DUS2: variants seen among roughly 807,000 people sequenced by gnomAD.
DUS2 encodes the protein tRNA-dihydrouridine(20) synthase [NAD(P)+]-like.
Under a neutral mutation model 71.3 loss-of-function variants are expected in DUS2, and 52 were observed. That is an observed-to-expected ratio of 0.73 (90% CI 0.58 to 0.92). The LOEUF is 0.92. Among genes scored for constraint, DUS2 ranks in the 40% least tolerant of loss-of-function variants. DUS2 has a pLI of 0.00. For synonymous variants in DUS2, 204 were observed against 227.8 expected (o/e 0.90, Z 0.94); for missense variants, 558 against 622.6 (o/e 0.90, Z 1.10).
At chr16:68,032,672 A>T (rs2033456938) in intron 2 of DUS2, among the ~76,000 whole-genome samples, 1 of 152,120 alleles carries the variant, frequency 6.6e-6, no homozygotes, top group African/African-American at 2.4e-5. Flanking sequence ...GGGAGACTTT[A>T]AAGGAAGGCC....
intron 12 of DUS2, among the ~76,000 whole-genome samples, chr16:68,073,544 G>A (rs867398962): frequency 1.6e-4 from 24 of 151,716 alleles, no homozygotes; most frequent in Non-Finnish European, 1.6e-4. Context: ...TCGCCTCCAG[G>A]GTTCAAGCGA....
intron 7 of DUS2, among the ~76,000 whole-genome samples, chr16:68,057,411 G>A (rs1598311427): frequency 6.7e-6 from 1 of 150,100 alleles, no homozygotes; most frequent in Admixed American, 6.7e-5. Context: ...AAAAAAAAAA[G>A]GGAAAACAAC....
chr16:68,024,509 G>A (rs926182486), intron 1 of DUS2, among the ~76,000 whole-genome samples: 7 of 152,128 alleles, frequency 4.6e-5, no homozygotes, highest in African/African-American at 7.2e-5. Flanking sequence ...TGGGAGGTTC[G>A]TAACATCTGG....
chr16:68,057,197 CAT>C (rs1350949735), intron 7 of DUS2, among the ~76,000 whole-genome samples: 1 of 138,328 alleles, frequency 7.2e-6, no homozygotes, highest in Non-Finnish European at 1.5e-5. Context: ...ATATATATTA[CAT>C]ATATAAATGT....
intron 10 of DUS2, 144 bp from the exon 11 acceptor site, chr16:68,069,990 C>A: frequency 1.5e-6 from 1 of 680,850 alleles, no homozygotes; most frequent in South Asian, 1.7e-5. Context: ...CCATTTCCTG[C>A]CACCTGTCCT....
At chr16:68,038,306 G>A (rs2033565114) in intron 3 of DUS2, among the ~76,000 whole-genome samples, 157 bp downstream of exon 3, 1 of 152,194 alleles carries the variant, frequency 6.6e-6, no homozygotes. Flanking sequence ...TGACACTGAT[G>A]AGTCTTGTGA....
chr16:68,047,719 G>A (rs1211764723), intron 3 of DUS2, among the ~76,000 whole-genome samples: 3 of 151,600 alleles, frequency 2.0e-5, no homozygotes, highest in African/African-American at 7.3e-5. Context: ...CTGACCTCAA[G>A]TGATCTGCCT....
chr16:68,058,946 C>T (rs950823431), intron 7 of DUS2, among the ~76,000 whole-genome samples: 7 of 152,048 alleles, frequency 4.6e-5, no homozygotes, highest in East Asian at 1.9e-4. Context: ...GCTTGGTGGC[C>T]GATGCCTGTA....
In DUS2 at chr16:68,078,777, G is replaced by T; in HGVS notation, c.1273G>T (p.Ala425Ser). The T allele has an allele frequency of 1.2e-6, 2 of 1,611,042 alleles. No homozygotes were observed. The highest frequency in any genetic ancestry group is 1.7e-6 in the Non-Finnish European group (2 of 1,178,240). Residue 425 changes from alanine to serine, a missense_variant, in exon 17 of 17, where the codon GCT becomes TCT. By Grantham distance (99) the Ala-to-Ser change is moderately conservative. Transcript: ENST00000565263. ...CAAGTCCAAGAAACTGGCGGAGCAG[G>T]CTGCAGCCATCGTCTGTCTGCGGAG... The part of the protein sequence containing the change: ...WDKSKKLAEQ[A>S]AAIVCLRSQG...
chr16:68,079,132 C>T lies in DUS2; in HGVS notation c.*146C>T. 2 of 767,146 alleles carry T rather than the reference C, an allele frequency of 2.6e-6. No individual in the cohort carries two copies. The highest frequency in any genetic ancestry group is 4.0e-6 in the Non-Finnish European group (2 of 506,054). The allele number at this position is 767,146 out of a possible 1,614,324, so 47.5% of individuals were successfully genotyped here. A position where few individuals can be genotyped will look rare whatever the true frequency, so the allele number is the denominator to read the frequency against. On this transcript the variant is annotated 3_prime_UTR_variant, in exon 17 of 17. Transcript: ENST00000565263. ...CCTGGCAGGGGCCATCAGCCTAGAG[C>T]ATGGACCAGGGGCCGCCCAGGGGTG...
In DUS2 at chr16:68,030,287, A is replaced by G. The variant is rs1483243602; in HGVS notation, c.-19+4793A>G. On this transcript the variant is annotated intron_variant, in intron 2 of 16. Transcript: ENST00000565263. ...ATGTCTGAGATAAGAACTGTTTCCA[A>G]GGATTTTCTAAAAACCCCACCGGAG... 3.3e-5 allele frequency among the ~76,000 whole-genome samples: 5 copies of G among 151,826 alleles called. No homozygotes were observed. The South Asian group carries it at 6.2e-4, about 19-fold the overall frequency.
intron 3 of DUS2, among the ~76,000 whole-genome samples, chr16:68,040,714 G>C (rs1038822699): frequency 6.6e-6 from 1 of 151,984 alleles, no homozygotes; most frequent in Non-Finnish European, 1.5e-5. Flanking sequence ...AGGTGGCTGG[G>C]ACTGGGCCCC....
chr16:68,046,647 C>G (rs1567473784), intron 3 of DUS2, among the ~76,000 whole-genome samples: 1 of 152,168 alleles, frequency 6.6e-6, no homozygotes, highest in South Asian at 2.1e-4. Context: ...GTGTCCATTT[C>G]ATGTAGGTTA....
In DUS2 at chr16:68,031,920, C is replaced by G. The variant is rs2033446448; in HGVS notation, c.-18-6086C>G. Among the ~76,000 whole-genome samples the G allele has an allele frequency of 3.3e-5, 5 of 152,246 alleles. 1 individual carries two copies. The South Asian group carries it at 1.0e-3, about 32-fold the overall frequency. ...ATGTTGGCCAGGCTGGTCTGGAACT[C>G]CTGATCTCAGGTGATCCTCCTGCCT... On this transcript the variant is annotated intron_variant, in intron 2 of 16. Coordinates refer to ENST00000565263, the MANE Select transcript of DUS2 (RefSeq NM_017803.5).
intron 6 of DUS2, 124 bp from the exon 7 acceptor site, chr16:68,056,240 G>C (rs554420886): frequency 2.8e-6 from 2 of 717,330 alleles, no homozygotes; most frequent in African/African-American, 3.6e-5. Context: ...TTGGGGGTTG[G>C]TGTGTTTCAT....
chr16:68,053,523 A>G (rs748080995), intron 4 of DUS2, 41 bp from the exon 5 acceptor site: 5 of 1,601,892 alleles, frequency 3.1e-6, no homozygotes, highest in Non-Finnish European at 4.3e-6. Context: ...TTGAACTTGC[A>G]TCTTCATTGA....
chr16:68,046,996 C>G (rs1045463709), intron 3 of DUS2, among the ~76,000 whole-genome samples: 5 of 151,488 alleles, frequency 3.3e-5, no homozygotes, highest in African/African-American at 1.2e-4. Flanking sequence ...GTGATCCGCC[C>G]GCCTTGGCTT....
intron 7 of DUS2, among the ~76,000 whole-genome samples, chr16:68,060,254 A>G (rs1271222647): frequency 6.6e-6 from 1 of 152,116 alleles, no homozygotes; most frequent in Non-Finnish European, 1.5e-5. Flanking sequence ...AATAAGTTTT[A>G]TATAGCCCAC....
At chr16:68,029,545 C>A (rs923232335) in intron 2 of DUS2, among the ~76,000 whole-genome samples, 1 of 152,010 alleles carries the variant, frequency 6.6e-6, no homozygotes, top group African/African-American at 2.4e-5. Context: ...CTCACAAGTT[C>A]AAGTGATTCT....
Sources: gnomAD v4.1 joint callset for allele counts (sites outside exome capture counted in the v4.1 genomes callset) on GRCh38, gnomAD v4.1.1 for gene constraint, MANE v1.5 for transcripts, NCBI Gene and HGNC (gene_info 2026-07-23, HGNC 2026-07-21) for gene names.